Variants in MCTP1 observed in about 807,000 individuals in gnomAD.
The protein encoded by MCTP1 is multiple C2 and transmembrane domain-containing protein 1.
MCTP1 carries 69 observed loss-of-function variants against 120.6 expected under a neutral mutation model. The ratio of observed to expected loss-of-function variants is 0.57; its 90% CI spans 0.47 to 0.70. The LOEUF is 0.70. MCTP1 is among the 30% of genes least tolerant of loss of function. The pLI, the probability that MCTP1 is intolerant of heterozygous loss-of-function variation, is 0.00. For missense variants in MCTP1, 1,203 were observed against 1,248.8 expected (o/e 0.96, Z 0.55); for synonymous variants, 529 against 493.1 (o/e 1.07, Z -0.96).
At chr5:95,194,647 G>C (rs984987641) in intron 1 of MCTP1, among the ~76,000 whole-genome samples, 2 of 152,108 alleles carry the variant, frequency 1.3e-5, no homozygotes, top group Non-Finnish European at 2.9e-5. Flanking sequence ...TAATATCATG[G>C]GGATTACAAT....
chr5:94,990,539 A>G (rs910898983), intron 2 of MCTP1, among the ~76,000 whole-genome samples: 1 of 152,216 alleles, frequency 6.6e-6, no homozygotes, highest in Non-Finnish European at 1.5e-5. Flanking sequence ...CGCTAGCTCA[A>G]GGAGGGCTCC....
At chr5:95,221,381 C>T (rs1181889328) in intron 1 of MCTP1, among the ~76,000 whole-genome samples, 2 of 152,206 alleles carry the variant, frequency 1.3e-5, no homozygotes, top group African/African-American at 4.8e-5. Context: ...CCCACTTGGG[C>T]AGAGCCATCT....
At chr5:95,258,755 A>T (rs1758150751) in intron 1 of MCTP1, among the ~76,000 whole-genome samples, 1 of 152,240 alleles carries the variant, frequency 6.6e-6, no homozygotes, top group South Asian at 2.1e-4. Context: ...AATATTTTGA[A>T]AACATTTTTA....
intron 1 of MCTP1, among the ~76,000 whole-genome samples, chr5:95,035,661 A>G (rs557390023): frequency 6.6e-6 from 1 of 152,224 alleles, no homozygotes; most frequent in African/African-American, 2.4e-5. Flanking sequence ...AAGCCCAAAC[A>G]CCAGTATTAT....
At position 95,130,005 on chromosome 5, in the gene MCTP1, C is replaced by A. The variant is rs552279613; in HGVS notation, c.721-112521G>T. 1.1e-3 allele frequency among the ~76,000 whole-genome samples: 173 copies of A among 152,280 alleles called. 1 individual carries two copies. The highest frequency in any genetic ancestry group is 5.6e-3 in the Admixed American group (86 of 15,294). On this transcript the variant is annotated intron_variant, in intron 1 of 22. Coordinates refer to ENST00000515393, the MANE Select transcript of MCTP1 (RefSeq NM_024717.7). ...TGTCTCTCTCCTTGAATTGGAACAT[C>A]CATCTTCTCCTGTCCTTGGACATCA...
intron 1 of MCTP1, among the ~76,000 whole-genome samples, chr5:95,054,369 TA>T (rs1746809116): frequency 6.6e-6 from 1 of 152,232 alleles, no homozygotes; most frequent in Non-Finnish European, 1.5e-5. Context: ...TTTAAAGAGA[TA>T]AACTATGATT....
intron 1 of MCTP1, among the ~76,000 whole-genome samples, chr5:95,085,882 A>T (rs1391252823): frequency 6.6e-6 from 1 of 151,952 alleles, no homozygotes; most frequent in Non-Finnish European, 1.5e-5. Context: ...ATTTTACCTT[A>T]TTATTGGCCT....
At chr5:94,950,183 T>C (rs569476272) in intron 3 of MCTP1, among the ~76,000 whole-genome samples, 110 of 152,262 alleles carry the variant, frequency 7.2e-4, no homozygotes, top group Middle Eastern at 3.4e-3. Flanking sequence ...CATCATTTTA[T>C]ATGTGTACTA....
chr5:94,746,024 T>C (rs1054244571), intron 19 of MCTP1, among the ~76,000 whole-genome samples: 3 of 152,190 alleles, frequency 2.0e-5, no homozygotes, highest in African/African-American at 7.2e-5. Context: ...GTCAGCAATA[T>C]CTGTCCTATG....
At chr5:95,178,870 A>G (rs936076912) in intron 1 of MCTP1, among the ~76,000 whole-genome samples, 14 of 152,222 alleles carry the variant, frequency 9.2e-5, no homozygotes, top group Non-Finnish European at 4.4e-5. Flanking sequence ...GCCCATTATT[A>G]AGCTAATCAA....
intron 1 of MCTP1, among the ~76,000 whole-genome samples, chr5:95,185,862 C>T (rs977865114): frequency 4.5e-4 from 68 of 152,096 alleles, no homozygotes; most frequent in Admixed American, 2.7e-3. Flanking sequence ...TGGTGGCACG[C>T]ACCTGTAATC....
At chr5:95,151,031 C>T (rs186824106) in intron 1 of MCTP1, among the ~76,000 whole-genome samples, 126 of 151,326 alleles carry the variant, frequency 8.3e-4, no homozygotes, top group East Asian at 3.7e-3. Context: ...TGCAGTGGCA[C>T]GATGGCTCAC....
At chr5:95,102,484 A>G (rs185694342) in intron 1 of MCTP1, among the ~76,000 whole-genome samples, 16 of 152,350 alleles carry the variant, frequency 1.1e-4, no homozygotes, top group African/African-American at 3.6e-4. Context: ...TAACAGACAC[A>G]CCATTATCCC....
chr5:95,280,811 T>C (rs987338196), intron 1 of MCTP1, among the ~76,000 whole-genome samples: 2 of 152,234 alleles, frequency 1.3e-5, no homozygotes, highest in Non-Finnish European at 2.9e-5. Flanking sequence ...GCCTGGTTTG[T>C]TCACTTTTAC....
At chr5:94,968,768 C>T (rs1826150327) in intron 2 of MCTP1, among the ~76,000 whole-genome samples, 1 of 152,196 alleles carries the variant, frequency 6.6e-6, no homozygotes, top group African/African-American at 2.4e-5. Context: ...CCTTGCAGGG[C>T]ACACTTTGAA....
Position 94,725,879 on chromosome 5 carries a change from C to T in MCTP1, c.2611-10993G>A, listed in dbSNP as rs143321672. Among the ~76,000 whole-genome samples the T allele has an allele frequency of 7.9e-5, 12 of 152,254 alleles. No individual in the cohort carries two copies. The East Asian group carries it at 2.3e-3, about 29-fold the overall frequency. ...ATAAATATCTGGAACATAGGAAGTGCTTGGTAAATATTAGTCGTTAATATT... is the reference window on the plus strand; with the variant it reads ...ATAAATATCTGGAACATAGGAAGTGTTTGGTAAATATTAGTCGTTAATATT... On this transcript the variant is annotated intron_variant, in intron 19 of 22. Transcript: ENST00000515393.
At chr5:94,752,228 A>T (rs1768644401) in intron 19 of MCTP1, among the ~76,000 whole-genome samples, 1 of 147,382 alleles carries the variant, frequency 6.8e-6, no homozygotes, top group Admixed American at 6.9e-5. Context: ...GTCAGGGAAG[A>T]GCGCTTGTAA....
At chr5:95,269,356 C>T (rs960836490) in intron 1 of MCTP1, among the ~76,000 whole-genome samples, 2 of 152,108 alleles carry the variant, frequency 1.3e-5, no homozygotes, top group East Asian at 1.9e-4. Flanking sequence ...AACTCCTAGA[C>T]TAAATATGGA....
At chr5:94,711,942 G>A (rs893906122) in intron 20 of MCTP1, among the ~76,000 whole-genome samples, 5 of 152,034 alleles carry the variant, frequency 3.3e-5, no homozygotes, top group Admixed American at 6.6e-5. Context: ...AAAGAAAATA[G>A]AAACACTGTG....
Sources: allele counts gnomAD v4.1 joint callset (sites outside exome capture counted in the v4.1 genomes callset), GRCh38; gene constraint gnomAD v4.1.1; transcripts MANE v1.5; gene names NCBI Gene and HGNC (gene_info 2026-07-23, HGNC 2026-07-21).